The following CPE variants were observed in gnomAD, a reference collection of about 807,000 sequenced individuals.
CPE encodes the protein carbocypeptidase E.
A neutral mutation model predicts 53.5 loss-of-function variants in CPE; 17 were observed. The observed-to-expected ratio is 0.32, with a 90% CI of 0.22 to 0.48. The LOEUF (loss-of-function observed/expected upper bound fraction) is 0.48. CPE is among the 20% of genes least tolerant of loss of function. CPE has a pLI of 0.99. For synonymous variants in CPE, 226 were observed against 228.8 expected (o/e 0.99, Z 0.11); for missense variants, 524 against 614.7 (o/e 0.85, Z 1.56).
At chr4:165,475,547 A>T (rs1732283366) in intron 3 of CPE, among the ~76,000 whole-genome samples, 1 of 152,256 alleles carries the variant, frequency 6.6e-6, no homozygotes, top group Non-Finnish European at 1.5e-5. Flanking sequence ...GAAAGCAAAC[A>T]AGAGGCAGGC....
At chr4:165,431,580 C>A (rs1269953065) in intron 1 of CPE, among the ~76,000 whole-genome samples, 1 of 152,230 alleles carries the variant, frequency 6.6e-6, no homozygotes, top group South Asian at 2.1e-4. Context: ...CTGAAAAAGA[C>A]CAGGCATTTT....
intron 6 of CPE, among the ~76,000 whole-genome samples, chr4:165,488,382 C>A (rs1181204346): frequency 6.6e-6 from 1 of 152,136 alleles, no homozygotes; most frequent in Non-Finnish European, 1.5e-5. Flanking sequence ...CAATGTGATC[C>A]ATATAGAATT....
intron 3 of CPE, among the ~76,000 whole-genome samples, chr4:165,474,414 G>T (rs1352021020): frequency 5.3e-5 from 8 of 152,094 alleles, no homozygotes; most frequent in African/African-American, 1.9e-4. Context: ...ATATCCTGTG[G>T]TATAGAGACA....
chr4:165,490,626 T>C (rs781351802), intron 6 of CPE, among the ~76,000 whole-genome samples: 9 of 103,012 alleles, frequency 8.7e-5, no homozygotes, highest in Non-Finnish European at 7.1e-5. Flanking sequence ...CGAGACTCCG[T>C]CTCAAAAAAA....
intron 1 of CPE, among the ~76,000 whole-genome samples, chr4:165,437,911 C>T (rs1430494277): frequency 6.6e-6 from 1 of 152,026 alleles, no homozygotes; most frequent in Non-Finnish European, 1.5e-5. Flanking sequence ...TGACGAGCTG[C>T]TGATAATTTA....
At chr4:165,482,191 C>A in intron 3 of CPE, 51 bp from the exon 4 acceptor site, 1 of 1,192,790 alleles carries the variant, frequency 8.4e-7, no homozygotes. Context: ...GTCAAGTGAT[C>A]ATACCAATGA....
At chr4:165,444,425 G>A (rs1404121985) in intron 1 of CPE, among the ~76,000 whole-genome samples, 4 of 152,070 alleles carry the variant, frequency 2.6e-5, no homozygotes, top group Non-Finnish European at 5.9e-5. Context: ...ACTTTGGGAG[G>A]CCAAGGCAGG....
intron 3 of CPE, among the ~76,000 whole-genome samples, chr4:165,476,267 G>A (rs1356967766): frequency 2.6e-5 from 4 of 152,140 alleles, no homozygotes; most frequent in African/African-American, 9.7e-5. Context: ...TTTGACTTGG[G>A]GCTTTATAGG....
intron 6 of CPE, among the ~76,000 whole-genome samples, chr4:165,492,636 C>T (rs887426644): frequency 6.6e-6 from 1 of 152,102 alleles, no homozygotes; most frequent in East Asian, 1.9e-4. Context: ...ATTGAGCAAG[C>T]AGGGGGTACG....
chr4:165,418,913 GA>G lies in CPE; in HGVS notation c.307+39392del, dbSNP rs1359160373. On this transcript the variant is annotated intron_variant, in intron 1 of 8. Coordinates refer to ENST00000402744, the MANE Select transcript of CPE (RefSeq NM_001873.4). ...CATTTGGAATAGTATGAGATAATTT[GA>G]AAAAAATATTATAAATATTTTAAGA... Among the ~76,000 whole-genome samples the G allele has an allele frequency of 7.2e-5, 11 of 152,028 alleles. No homozygotes were observed. The South Asian group carries it at 1.7e-3, about 23-fold the overall frequency.
chr4:165,464,955 G>T (rs946637223), intron 2 of CPE, among the ~76,000 whole-genome samples: 1 of 152,192 alleles, frequency 6.6e-6, no homozygotes, highest in Admixed American at 6.5e-5. Context: ...CGCCATGGGT[G>T]TATGTGGATG....
intron 1 of CPE, chr4:165,418,419 A>T (rs1731159192): frequency 6.6e-6 from 1 of 152,236 alleles, no homozygotes; most frequent in East Asian, 1.9e-4. Flanking sequence ...TGAAAATCAC[A>T]AAGTCTATAA....
chr4:165,447,948 C>A (rs1579265957), intron 1 of CPE, among the ~76,000 whole-genome samples: 1 of 152,212 alleles, frequency 6.6e-6, no homozygotes, highest in East Asian at 1.9e-4. Flanking sequence ...GGATTGCAGT[C>A]ATATGTGGGG....
intron 2 of CPE, 77 bp from the exon 3 acceptor site, chr4:165,467,611 T>C (rs755528218): frequency 2.2e-6 from 3 of 1,379,742 alleles, no homozygotes; most frequent in South Asian, 1.5e-5. Context: ...TTAAAGAGCA[T>C]TGATAGGGAC....
At chr4:165,465,881 A>G (rs552361114) in intron 2 of CPE, among the ~76,000 whole-genome samples, 6 of 152,342 alleles carry the variant, frequency 3.9e-5, no homozygotes, top group African/African-American at 1.4e-4. Context: ...GAGGCAATGA[A>G]TATTTTACTT....
rs568780197 is a variant in CPE at position 165,438,388 on chromosome 4, T to A, written c.308-26002T>A. Among the ~76,000 whole-genome samples, 3 of 152,186 alleles carry A rather than the reference T, an allele frequency of 2.0e-5. No individual in the cohort carries two copies. In the South Asian group the frequency reaches 6.2e-4, roughly 32 times the overall value. Reference sequence around the variant, plus strand: ...GGTCTAGAGAAAGTGACAGGTATATTTGGTAGTACAAAAAAGCCTTTGAGG... The same window carrying A: ...GGTCTAGAGAAAGTGACAGGTATATATGGTAGTACAAAAAAGCCTTTGAGG... On this transcript the variant is annotated intron_variant, in intron 1 of 8. Transcript: ENST00000402744.
At chr4:165,458,183 A>G (rs186958005) in intron 1 of CPE, among the ~76,000 whole-genome samples, 1 of 152,330 alleles carries the variant, frequency 6.6e-6, no homozygotes. Flanking sequence ...TTGCTTGTAT[A>G]GCAGTTTGTA....
intron 3 of CPE, among the ~76,000 whole-genome samples, chr4:165,472,366 A>G (rs879787216): frequency 1.3e-5 from 2 of 152,224 alleles, no homozygotes; most frequent in South Asian, 2.1e-4. Flanking sequence ...CAAGACAACA[A>G]TTGTGAATGA....
intron 1 of CPE, among the ~76,000 whole-genome samples, chr4:165,430,667 A>G (rs1196361444): frequency 6.6e-6 from 1 of 152,186 alleles, no homozygotes; most frequent in Non-Finnish European, 1.5e-5. Flanking sequence ...TATTATACTT[A>G]ATATATGCCT....
Sources: gnomAD v4.1 joint callset for allele counts (sites outside exome capture counted in the v4.1 genomes callset) on GRCh38, gnomAD v4.1.1 for gene constraint, MANE v1.5 for transcripts, NCBI Gene and HGNC (gene_info 2026-07-23, HGNC 2026-07-21) for gene names.